BNC2: variants seen among roughly 807,000 people sequenced by gnomAD.
BNC2 encodes the protein basonuclin zinc finger protein 2.
In BNC2, 20 loss-of-function variants were observed where a neutral mutation model predicts 76.3. The observed-to-expected ratio is 0.26, with a 90% CI of 0.18 to 0.38. The LOEUF (loss-of-function observed/expected upper bound fraction) is 0.38, where lower values mean the gene tolerates loss of function less well. Ranked by LOEUF, BNC2 falls within the 10% of genes least tolerant of loss-of-function variation. The pLI, the probability that BNC2 is intolerant of heterozygous loss-of-function variation, is 1.00. For synonymous variants in BNC2, 582 were observed against 514.8 expected, an observed-to-expected ratio of 1.13 and a Z score of -1.77; for missense variants, 1,382 against 1,399.8, an observed-to-expected ratio of 0.99 and a Z score of 0.20.
rs1008106311 is a variant in BNC2 at position 16,536,518 on chromosome 9, T to A, written c.669+16012A>T. On this transcript the variant is annotated intron_variant, in intron 5 of 6. Transcript: ENST00000380672. ...ACAAAAACACAGCCTTTTGTTTTTA[T>A]TTTTTTCCCTTTCTTTTCATAAATT... Among the ~76,000 whole-genome samples, 8 of 151,830 alleles carry A rather than the reference T, an allele frequency of 5.3e-5. No individual in the cohort carries two copies. The South Asian group carries it at 1.7e-3, about 31-fold the overall frequency.
chr9:16,860,074 A>G (rs1313656733), intron 1 of BNC2, among the ~76,000 whole-genome samples: 1 of 151,430 alleles, frequency 6.6e-6, no homozygotes, highest in Non-Finnish European at 1.5e-5. Context: ...GTGAGCCGAG[A>G]TCACACCACT....
At chr9:16,452,243 A>G (rs974336340) in intron 5 of BNC2, among the ~76,000 whole-genome samples, 3 of 152,160 alleles carry the variant, frequency 2.0e-5, no homozygotes, top group Admixed American at 6.6e-5. Context: ...GCTTTTGGGA[A>G]TGAGATTACC....
At chr9:16,811,652 A>C (rs114880399) in intron 1 of BNC2, among the ~76,000 whole-genome samples, 1,664 of 151,944 alleles carry the variant, frequency 0.011, 34 homozygotes, top group African/African-American at 0.038. Context: ...AACAGAAATG[A>C]GGCAGCAGAA....
At chr9:16,750,241 A>G (rs1238288667) in intron 1 of BNC2, among the ~76,000 whole-genome samples, 1 of 152,270 alleles carries the variant, frequency 6.6e-6, no homozygotes, top group Non-Finnish European at 1.5e-5. Context: ...AGGTAGAAAT[A>G]TAATTTGATA....
At chr9:16,557,179 G>C (rs1304811571) in intron 4 of BNC2, among the ~76,000 whole-genome samples, 1 of 152,118 alleles carries the variant, frequency 6.6e-6, no homozygotes, top group South Asian at 2.1e-4. Flanking sequence ...ATCTGCTGAT[G>C]TGTCCCATAC....
Position 16,419,487 on chromosome 9 carries a change from G to C in BNC2, c.2802C>G (p.Asp934Glu). ...CTTCAGTCCCTGCGGGAGAGGAGGC[G>C]TCTTCCCTGACATCGAGCCCCATGG... ...QHPMGLDVREDASSPAGTEDS... is the reference protein window; with the variant it reads ...QHPMGLDVREEASSPAGTEDS... The change falls in exon 7 of 7, where the codon GAC (aspartate) becomes GAG (glutamate). Residue 934 changes from aspartate to glutamate, a missense_variant. Physicochemically the swap from Asp to Glu is conservative, Grantham distance 45. Transcript: ENST00000380672. 1 of 1,614,100 alleles carries C rather than the reference G, an allele frequency of 6.2e-7. No individual in the cohort carries two copies. The highest frequency in any genetic ancestry group is 8.5e-7 in the Non-Finnish European group (1 of 1,179,998).
chr9:16,632,885 A>G (rs1270113101), intron 3 of BNC2, among the ~76,000 whole-genome samples: 1 of 152,328 alleles, frequency 6.6e-6, no homozygotes, highest in East Asian at 1.9e-4. Context: ...CTTAGGGAAA[A>G]CAATATAATC....
chr9:16,822,365 A>G (rs1818357963), intron 1 of BNC2, among the ~76,000 whole-genome samples: 1 of 152,202 alleles, frequency 6.6e-6, no homozygotes, highest in Non-Finnish European at 1.5e-5. Flanking sequence ...ATCAAGACAC[A>G]GAAGTTAAGA....
chr9:16,524,496 T>TG (rs1268067368), intron 5 of BNC2, among the ~76,000 whole-genome samples: 1 of 152,104 alleles, frequency 6.6e-6, no homozygotes, highest in African/African-American at 2.4e-5. Flanking sequence ...TTTCCTGTTT[T>TG]TTTTTGGGGG....
intron 3 of BNC2, among the ~76,000 whole-genome samples, chr9:16,618,073 G>A (rs1820761291): frequency 6.6e-6 from 1 of 152,116 alleles, no homozygotes; most frequent in Non-Finnish European, 1.5e-5. Context: ...CCTATTCTAC[G>A]TGCCCTCACT....
At chr9:16,459,519 A>C (rs1288002576) in intron 5 of BNC2, among the ~76,000 whole-genome samples, 1 of 152,174 alleles carries the variant, frequency 6.6e-6, no homozygotes, top group Non-Finnish European at 1.5e-5. Context: ...TAGGAAGAAC[A>C]CACCTATTTG....
intron 3 of BNC2, among the ~76,000 whole-genome samples, chr9:16,710,988 G>A (rs539241364): frequency 6.6e-6 from 1 of 152,054 alleles, no homozygotes; most frequent in Admixed American, 6.5e-5. Flanking sequence ...CAAACTGTTC[G>A]CGTGTCATGT....
chr9:16,785,021 A>C (rs1301134828), intron 1 of BNC2, among the ~76,000 whole-genome samples: 1 of 152,246 alleles, frequency 6.6e-6, no homozygotes, highest in Non-Finnish European at 1.5e-5. Flanking sequence ...GTATGAATAC[A>C]GTATTCTCTG....
At chr9:16,780,240 AAAAAAAAAAAAAAAAAC>A (rs529873803) in intron 1 of BNC2, among the ~76,000 whole-genome samples, 3,004 of 132,628 alleles carry the variant, frequency 0.023, 112 homozygotes, top group African/African-American at 0.086. Context: ...CGTTTCAAAA[AAAAAAAAAAAAAAAAAC>A]AAAAAAAAAC....
chr9:16,687,493 C>T (rs1563898882), intron 3 of BNC2, among the ~76,000 whole-genome samples: 1 of 152,060 alleles, frequency 6.6e-6, no homozygotes, highest in Non-Finnish European at 1.5e-5. Context: ...CCTCAGCTGA[C>T]ATATGGAAGG....
At chr9:16,547,219 C>G (rs542271030) in intron 5 of BNC2, among the ~76,000 whole-genome samples, 2 of 152,346 alleles carry the variant, frequency 1.3e-5, no homozygotes, top group South Asian at 4.1e-4. Context: ...ATGTTTTCTA[C>G]CACATGGATA....
intron 3 of BNC2, among the ~76,000 whole-genome samples, chr9:16,670,900 G>A (rs140381320): frequency 5.5e-4 from 84 of 152,204 alleles, no homozygotes; most frequent in Admixed American, 3.1e-3. Context: ...TATTCTAGCC[G>A]CATGAACCAA....
At chr9:16,846,587 T>C (rs1818988229) in intron 1 of BNC2, among the ~76,000 whole-genome samples, 1 of 152,216 alleles carries the variant, frequency 6.6e-6, no homozygotes, top group African/African-American at 2.4e-5. Flanking sequence ...CTGGTAGGGT[T>C]TCTCTTTCAG....
intron 1 of BNC2, among the ~76,000 whole-genome samples, chr9:16,835,755 GT>G (rs2136054974): frequency 6.6e-6 from 1 of 152,300 alleles, no homozygotes; most frequent in East Asian, 1.9e-4. Flanking sequence ...AAACTATTGT[GT>G]GCAAGGCACA....
Sources: gnomAD v4.1 joint callset for allele counts (sites outside exome capture counted in the v4.1 genomes callset) on GRCh38, gnomAD v4.1.1 for gene constraint, MANE v1.5 for transcripts, NCBI Gene and HGNC (gene_info 2026-07-23, HGNC 2026-07-21) for gene names.